The following RNF217 variants were observed in gnomAD, a reference collection of about 807,000 sequenced individuals.
The protein encoded by RNF217 is E3 ubiquitin-protein ligase RNF217.
A neutral mutation model predicts 57.8 loss-of-function variants in RNF217; 31 were observed. The ratio of observed to expected loss-of-function variants is 0.54; its 90% CI spans 0.40 to 0.72. RNF217 has a LOEUF of 0.72. RNF217 is among the 30% of genes least tolerant of loss of function. The pLI is 0.00. For synonymous variants in RNF217, 313 were observed against 294.0 expected (o/e 1.06, Z -0.66); for missense variants, 696 against 708.3 (o/e 0.98, Z 0.20).
intron 1 of RNF217, among the ~76,000 whole-genome samples, chr6:125,034,010 T>A (rs1419124739): frequency 1.3e-5 from 2 of 152,020 alleles, no homozygotes; most frequent in Non-Finnish European, 2.9e-5. Context: ...GAAGTGTCTG[T>A]TCATATCCTT....
intron 3 of RNF217, among the ~76,000 whole-genome samples, chr6:125,062,290 A>G (rs1787765966): frequency 6.6e-6 from 1 of 152,076 alleles, no homozygotes; most frequent in African/African-American, 2.4e-5. Flanking sequence ...TGGATAGACC[A>G]ATTTAATACA....
rs770019153 is a variant in RNF217 at position 124,963,061 on chromosome 6, C to T, written c.517C>T (p.Leu173=). ...CTCCGTGTACTGCGTGGAGAGCGAC[C>T]TGCCCGAGGCCCCCGCCTCGGAGCA... ...FCSVYCVESD[L]PEAPASEQLS... is the part of the protein sequence containing the mutation. The change falls in exon 1 of 6, where the codon CTG becomes TTG. Residue 173 remains leucine (L), a synonymous_variant. Transcript: ENST00000521654. The T allele has an allele frequency of 2.0e-5, 32 of 1,566,606 alleles. No homozygotes were observed. The highest frequency in any genetic ancestry group is 2.7e-5 in the Non-Finnish European group (31 of 1,164,266).
At chr6:124,984,314 AGGTGG>A (rs1159773919) in intron 1 of RNF217, among the ~76,000 whole-genome samples, 1 of 152,100 alleles carries the variant, frequency 6.6e-6, no homozygotes, top group Non-Finnish European at 1.5e-5. Flanking sequence ...TGGGAAGGCA[AGGTGG>A]GTGGATCATT....
intron 1 of RNF217, among the ~76,000 whole-genome samples, chr6:125,034,018 C>T (rs1237273480): frequency 1.3e-5 from 2 of 151,830 alleles, no homozygotes; most frequent in Non-Finnish European, 1.5e-5. Context: ...TGTTCATATC[C>T]TTTGCCCACT....
intron 2 of RNF217, chr6:125,048,045 C>T (rs1787161307): frequency 2.6e-6 from 1 of 381,542 alleles, no homozygotes; most frequent in Non-Finnish European, 4.6e-6. Flanking sequence ...ATAATTTTTA[C>T]TTATTTTAGT....
intron 1 of RNF217, among the ~76,000 whole-genome samples, chr6:125,010,116 C>A (rs1366399543): frequency 6.6e-6 from 1 of 151,246 alleles, no homozygotes; most frequent in Non-Finnish European, 1.5e-5. Context: ...CTGTTCTCTG[C>A]ATTTGATCCA....
rs1362837058 is a variant in RNF217 at position 125,087,723 on chromosome 6, T to C, written c.*4786T>C. 2 of 152,084 alleles carry C rather than the reference T, an allele frequency of 1.3e-5. No individual in the cohort carries two copies. The highest frequency in any genetic ancestry group is 2.9e-5 in the Non-Finnish European group (2 of 67,994). The allele number at this position is 152,084 out of a possible 1,614,324, so 9.4% of individuals were successfully genotyped here. A position where few individuals can be genotyped will look rare whatever the true frequency, so the allele number is the denominator to read the frequency against. ...TGAAGAAAAGTAGCAATTTCTGAAA[T>C]TGTAGTAATCTTGGAATGGTTATCA... On this transcript the variant is annotated 3_prime_UTR_variant, in exon 6 of 6. Transcript: ENST00000521654.
intron 1 of RNF217, among the ~76,000 whole-genome samples, chr6:125,022,947 A>T (rs1785902736): frequency 6.6e-6 from 1 of 152,164 alleles, no homozygotes; most frequent in Admixed American, 6.5e-5. Context: ...TTATTTCTTA[A>T]GCACCTACTT....
At chr6:125,006,303 A>C (rs1785176921) in intron 1 of RNF217, 2 of 152,224 alleles carry the variant, frequency 1.3e-5, no homozygotes, top group African/African-American at 4.8e-5. Context: ...AGAAATTTCC[A>C]TTAAAAGAGT....
Position 124,982,586 on chromosome 6 carries a change from A to G in RNF217, c.882+19160A>G, listed in dbSNP as rs180975975. ...ATTTTGTTTCAGTAACACATTTTACATAATAACTTATAATCATTGCCGTTT... is the reference window on the plus strand; with the variant it reads ...ATTTTGTTTCAGTAACACATTTTACGTAATAACTTATAATCATTGCCGTTT... On this transcript the variant is annotated intron_variant, in intron 1 of 5. Transcript: ENST00000521654. Among the ~76,000 whole-genome samples the G allele has an allele frequency of 9.9e-5, 15 of 152,256 alleles. No individual in the cohort carries two copies. The East Asian group carries it at 2.9e-3, about 29-fold the overall frequency.
intron 1 of RNF217, among the ~76,000 whole-genome samples, chr6:124,982,475 G>A (rs1310088694): frequency 1.3e-5 from 2 of 151,946 alleles, no homozygotes; most frequent in East Asian, 3.9e-4. Flanking sequence ...TAGCAAAAAT[G>A]TGGTCATTGG....
rs996699033 is a variant in RNF217 at position 125,084,696 on chromosome 6, G to C, written c.*1759G>C. ...CAGAATAACTGTGCTACAGCTTCTG[G>C]ATTAGTTGTCTATTTCCAGTTAGAG... On this transcript the variant is annotated 3_prime_UTR_variant, in exon 6 of 6. Coordinates refer to ENST00000521654, the MANE Select transcript of RNF217 (RefSeq NM_001286398.3). 5.9e-5 allele frequency: 9 copies of C among 151,890 alleles called. No homozygotes were observed. The highest frequency in any genetic ancestry group is 2.2e-4 in the African/African-American group (9 of 41,382). 9.4% of individuals were successfully genotyped at this position (151,890 alleles called of 1,614,324 possible). A position where few individuals can be genotyped will look rare whatever the true frequency, so the allele number is the denominator to read the frequency against.
intron 3 of RNF217, among the ~76,000 whole-genome samples, chr6:125,065,594 C>T (rs946552888): frequency 2.0e-5 from 3 of 152,120 alleles, no homozygotes; most frequent in African/African-American, 7.2e-5. Flanking sequence ...ATGATGAGGG[C>T]TTCTGCAAAG....
chr6:125,092,544 T>C lies in RNF217; in HGVS notation c.*9607T>C, dbSNP rs1212511423. On this transcript the variant is annotated 3_prime_UTR_variant, in exon 6 of 6. Transcript: ENST00000521654. ...TCATTGTACGAGCTATTGTATGGAT[T>C]ACTGTGGAGTGCTGTTTACCACATG... 6.6e-6 allele frequency: 1 copy of C among 152,238 alleles called. No homozygotes were observed. Among genetic ancestry groups the C allele is most frequent in the Non-Finnish European group, 1.5e-5 (1 of 68,042 alleles). 9.4% of individuals were successfully genotyped at this position (152,238 alleles called of 1,614,324 possible).
At position 125,090,511 on chromosome 6, in the gene RNF217, T is replaced by C. The variant is rs1788906474; in HGVS notation, c.*7574T>C. 1 of 151,742 alleles carries C rather than the reference T, an allele frequency of 6.6e-6. No homozygotes were observed. The highest frequency in any genetic ancestry group is 1.5e-5 in the Non-Finnish European group (1 of 67,802). The allele number at this position is 151,742 out of a possible 1,614,324, so 9.4% of individuals were successfully genotyped here. Reference sequence around the variant, plus strand: ...TTAAAGAGAAAAAAATTCGAGTGTTTATCTGTTATTACTGTATATTCAGAA... The same window carrying C: ...TTAAAGAGAAAAAAATTCGAGTGTTCATCTGTTATTACTGTATATTCAGAA... On this transcript the variant is annotated 3_prime_UTR_variant, in exon 6 of 6. Transcript: ENST00000521654.
At chr6:124,974,373 A>G (rs1476001210) in intron 1 of RNF217, among the ~76,000 whole-genome samples, 2 of 152,212 alleles carry the variant, frequency 1.3e-5, no homozygotes, top group Non-Finnish European at 2.9e-5. Flanking sequence ...TTCTATTGGT[A>G]AATAACTTTG....
intron 1 of RNF217, among the ~76,000 whole-genome samples, chr6:125,035,201 C>A (rs1026296995): frequency 6.6e-6 from 1 of 152,014 alleles, no homozygotes; most frequent in Non-Finnish European, 1.5e-5. Flanking sequence ...CCTTCTCCTG[C>A]CTAATTGCCC....
chr6:125,075,820 G>A (rs1788343925), intron 3 of RNF217, among the ~76,000 whole-genome samples: 2 of 152,260 alleles, frequency 1.3e-5, no homozygotes, highest in South Asian at 4.2e-4. Context: ...AGGATTCTGA[G>A]TTGAGTTTCC....
chr6:125,017,890 A>C (rs1225734582), intron 1 of RNF217, among the ~76,000 whole-genome samples: 1 of 152,228 alleles, frequency 6.6e-6, no homozygotes, highest in Non-Finnish European at 1.5e-5. Context: ...CATTGCCAAT[A>C]CTAAGGGAAA....
Sources: gnomAD v4.1 joint callset for allele counts (sites outside exome capture counted in the v4.1 genomes callset) on GRCh38, gnomAD v4.1.1 for gene constraint, MANE v1.5 for transcripts, NCBI Gene and HGNC (gene_info 2026-07-23, HGNC 2026-07-21) for gene names.